The following KIF14 variants were observed in gnomAD, a reference collection of about 807,000 sequenced individuals.
The protein encoded by KIF14 is kinesin-like protein KIF14.
A neutral mutation model predicts 176.2 loss-of-function variants in KIF14; 98 were observed. That is an observed-to-expected ratio of 0.56 (90% CI 0.47 to 0.66). The LOEUF is 0.66. Among genes scored for constraint, KIF14 ranks in the 30% least tolerant of loss-of-function variants. The pLI is 0.00. For missense variants in KIF14, 1,751 were observed against 1,920.4 expected (o/e 0.91, Z 1.65); for synonymous variants, 566 against 632.2 (o/e 0.90, Z 1.57).
intron 10 of KIF14, among the ~76,000 whole-genome samples, 187 bp downstream of exon 10, chr1:200,603,031 TATTAAGTA>T (rs1018167563): frequency 2.0e-5 from 3 of 152,224 alleles, no homozygotes; most frequent in Non-Finnish European, 2.9e-5. Flanking sequence ...CGGGCTAGAA[TATTAAGTA>T]ATTTGCCCAA....
At position 200,555,374 on chromosome 1, in the gene KIF14, T is replaced by C. The variant is rs1656778552; in HGVS notation, c.4428+6A>G. On this transcript the variant is annotated splice_donor_region_variant and intron_variant, in intron 28 of 29. Transcript: ENST00000367350. ...AAAATTAAAATCAATTTAAAGCTTC[T>C]CTTACAATTTTCGATTCAGCAAAGA... The C allele has an allele frequency of 6.6e-7, 1 of 1,523,460 alleles. No individual in the cohort carries two copies. Among genetic ancestry groups the C allele is most frequent in the Non-Finnish European group, 9.0e-7 (1 of 1,117,282 alleles). The allele number at this position is 1,523,460 out of a possible 1,614,324, so 94.4% of individuals were successfully genotyped here.
At chr1:200,572,593 T>A (rs1201713083) in intron 22 of KIF14, among the ~76,000 whole-genome samples, 2 of 152,198 alleles carry the variant, frequency 1.3e-5, no homozygotes, top group Non-Finnish European at 2.9e-5. Flanking sequence ...TCCGCCCACC[T>A]TGGCCTCCCA....
intron 27 of KIF14, among the ~76,000 whole-genome samples, chr1:200,558,574 G>A (rs754561697): frequency 1.3e-5 from 2 of 152,050 alleles, no homozygotes; most frequent in Admixed American, 6.6e-5. Flanking sequence ...TATTCATAGG[G>A]CTTTTTCTTA....
rs1473891167 is a variant in KIF14 at position 200,595,752 on chromosome 1, G to A, written c.2550-1983C>T. Among the ~76,000 whole-genome samples, 3 of 150,044 alleles carry A rather than the reference G, an allele frequency of 2.0e-5. No homozygotes were observed. In the East Asian group the frequency reaches 5.9e-4, roughly 30 times the overall value. On this transcript the variant is annotated intron_variant, in intron 14 of 29. Coordinates refer to ENST00000367350, the MANE Select transcript of KIF14 (RefSeq NM_014875.3). ...TCACCTGAGGTCAGGAGTTCAAGAC[G>A]AGCCTGGCCAACATGATGAAATCGT...
rs541914488 is a variant in KIF14, at chr1:200,598,177, C to T, written c.2549+60G>A. 4.7e-5 allele frequency: 67 copies of T among 1,439,802 alleles called. No individual in the cohort carries two copies. The Admixed American group carries it at 9.9e-4, about 21-fold the overall frequency. The allele number at this position is 1,439,802 out of a possible 1,614,324, so 89.2% of individuals were successfully genotyped here. A position where few individuals can be genotyped will look rare whatever the true frequency, so the allele number is the denominator to read the frequency against. ...CAACGAATATGCCATATGAAGGAAACCACATGTTATCAAGATATAGAACAG... is the reference window on the plus strand; with the variant it reads ...CAACGAATATGCCATATGAAGGAAATCACATGTTATCAAGATATAGAACAG... On this transcript the variant is annotated intron_variant, in intron 14 of 29. Transcript: ENST00000367350.
intron 21 of KIF14, among the ~76,000 whole-genome samples, chr1:200,577,844 C>T (rs1031972536): frequency 1.3e-5 from 2 of 151,724 alleles, no homozygotes; most frequent in African/African-American, 4.8e-5. Context: ...CTATGTATTG[C>T]TATGTTCTAG....
Position 200,592,244 on chromosome 1 carries a change from A to C in KIF14, c.2653-4T>G. 1.3e-6 allele frequency: 2 copies of C among 1,598,424 alleles called. No homozygotes were observed. Among genetic ancestry groups the C allele is most frequent in the South Asian group, 1.1e-5 (1 of 88,310 alleles). ...CACCAAGAATCACTCGATCACCCTA[A>C]AGCACACAAAAAAATGTACTACTTG... On this transcript the variant is annotated splice_region_variant and splice_polypyrimidine_tract_variant and intron_variant, in intron 15 of 29. Transcript: ENST00000367350.
intron 21 of KIF14, among the ~76,000 whole-genome samples, chr1:200,576,217 G>A (rs1026782512): frequency 6.6e-6 from 1 of 151,934 alleles, no homozygotes; most frequent in Non-Finnish European, 1.5e-5. Context: ...GGTGGCTCAC[G>A]CCTGTAATCC....
At position 200,553,046 on chromosome 1, in the gene KIF14, C is replaced by T. The variant is rs1331818463; in HGVS notation, c.*342G>A. 6 of 155,714 alleles carry T rather than the reference C, an allele frequency of 3.9e-5. No individual in the cohort carries two copies. Among genetic ancestry groups the T allele is most frequent in the African/African-American group, 7.2e-5 (3 of 41,508 alleles). The allele number at this position is 155,714 out of a possible 1,614,324, so 9.6% of individuals were successfully genotyped here. ...GCAACCTCTGCCTCTCAGGTTCAAGCGATCCTCCTGCCTCAGCCCCCCTAG... is the reference window on the plus strand; with the variant it reads ...GCAACCTCTGCCTCTCAGGTTCAAGTGATCCTCCTGCCTCAGCCCCCCTAG... On this transcript the variant is annotated 3_prime_UTR_variant, in exon 30 of 30. Coordinates refer to ENST00000367350, the MANE Select transcript of KIF14 (RefSeq NM_014875.3).
rs753432955 is a variant in KIF14, at chr1:200,603,329, T to C, written c.1876A>G (p.Ile626Val). 1.3e-6 allele frequency: 2 copies of C among 1,582,546 alleles called. No individual in the cohort carries two copies. The highest frequency in any genetic ancestry group is 1.3e-5 in the African/African-American group (1 of 74,280). ...CCCAAAGTTAGCAAGGACTTATTAA[T>C]ACTCACACCTTCCTGCATGCAAGAA... The part of the protein sequence containing the change: ...NGDRLKEGVS[I>V]NKSLLTLGKV... The change falls in exon 10 of 30, where the codon ATT becomes GTT. Residue 626 changes from isoleucine (I) to valine (V), a missense_variant. By Grantham distance (29) the Ile-to-Val change is conservative (BLOSUM62 3). Coordinates refer to ENST00000367350, the MANE Select transcript of KIF14 (RefSeq NM_014875.3).
intron 2 of KIF14, 30 bp from the exon 3 acceptor site, chr1:200,615,639 G>A (rs2102781926): frequency 1.3e-6 from 2 of 1,574,108 alleles, no homozygotes; most frequent in East Asian, 2.2e-5. Context: ...AAAAAATCAA[G>A]TAACTAAAAT....
rs765132390 is a variant in KIF14 at position 200,551,600 on chromosome 1, T to C, written c.*1788A>G. 3.3e-5 allele frequency: 5 copies of C among 152,232 alleles called. No individual in the cohort carries two copies. Among genetic ancestry groups the C allele is most frequent in the Non-Finnish European group, 7.3e-5 (5 of 68,030 alleles). The allele number at this position is 152,232 out of a possible 1,614,324, so 9.4% of individuals were successfully genotyped here. A position where few individuals can be genotyped will look rare whatever the true frequency, so the allele number is the denominator to read the frequency against. On this transcript the variant is annotated 3_prime_UTR_variant, in exon 30 of 30. Coordinates refer to ENST00000367350, the MANE Select transcript of KIF14 (RefSeq NM_014875.3). ...AATATTTTTTCACCATTCATTCAAA[T>C]ACAGTATCACAATGTGTTTAGTATA...
At chr1:200,571,840 T>A (rs1657805477) in intron 22 of KIF14, among the ~76,000 whole-genome samples, 1 of 152,192 alleles carries the variant, frequency 6.6e-6, no homozygotes, top group South Asian at 2.1e-4. Context: ...TGCAACAATA[T>A]CATAGTTAAA....
At chr1:200,594,740 G>C (rs973270222) in intron 14 of KIF14, among the ~76,000 whole-genome samples, 1 of 152,184 alleles carries the variant, frequency 6.6e-6, no homozygotes, top group Non-Finnish European at 1.5e-5. Flanking sequence ...AACAAAAGCT[G>C]AGTCCTAACC....
At position 200,590,222 on chromosome 1, in the gene KIF14, A is replaced by G. The variant is rs781472787; in HGVS notation, c.2864T>C (p.Met955Thr). Residue 955 changes from methionine to threonine, a missense_variant, in exon 17 of 30, where the codon ATG (methionine) becomes ACG (threonine). Coordinates refer to ENST00000367350, the MANE Select transcript of KIF14 (RefSeq NM_014875.3). ...TTCTTTTGCAATCTGGATTCCTTGC[A>G]TCATTTCTTCCTTTGCCTTCAACTG... The part of the protein sequence containing the change: ...EAQLKAKEEM[M>T]QGIQIAKEMA... 59 of 1,613,874 alleles carry G rather than the reference A, an allele frequency of 3.7e-5. No individual in the cohort carries two copies. In the East Asian group the frequency reaches 5.6e-4, roughly 15 times the overall value.
intron 19 of KIF14, among the ~76,000 whole-genome samples, chr1:200,582,372 C>CA (rs576581264): frequency 0.23 from 33,102 of 144,594 alleles, 5,060 homozygotes; most frequent in African/African-American, 0.44. Context: ...GACTTTGTCT[C>CA]AAAAAAAAAA....
chr1:200,594,229 C>T (rs1470689532), intron 14 of KIF14, among the ~76,000 whole-genome samples: 1 of 151,784 alleles, frequency 6.6e-6, no homozygotes, highest in African/African-American at 2.4e-5. Flanking sequence ...GCCACTGCAT[C>T]GAGCCTCCAA....
chr1:200,599,687 G>A (rs991278711), intron 13 of KIF14, among the ~76,000 whole-genome samples: 6 of 152,104 alleles, frequency 3.9e-5, no homozygotes, highest in South Asian at 2.1e-4. Flanking sequence ...TTCTATTTAC[G>A]TTTTGTAAAT....
chr1:200,552,913 TA>T lies in KIF14; in HGVS notation c.*474del, dbSNP rs1656610030. ...GTTAAACACTTTAAAGATAAAAATA[TA>T]TTTTATTTATTTATTTATTTATTTA... is the stretch of plus-strand genomic sequence containing the variant. On this transcript the variant is annotated 3_prime_UTR_variant, in exon 30 of 30. Transcript: ENST00000367350. 3 of 142,508 alleles carry T rather than the reference TA, an allele frequency of 2.1e-5. No individual in the cohort carries two copies. The highest frequency in any genetic ancestry group is 7.7e-5 in the African/African-American group (3 of 38,962). The allele number at this position is 142,508 out of a possible 1,614,324, so 8.8% of individuals were successfully genotyped here.
Sources: gnomAD v4.1 joint callset for allele counts (sites outside exome capture counted in the v4.1 genomes callset) on GRCh38, gnomAD v4.1.1 for gene constraint, MANE v1.5 for transcripts, NCBI Gene and HGNC (gene_info 2026-07-23, HGNC 2026-07-21) for gene names.